The following CCDC88C variants were observed in gnomAD, a reference collection of about 807,000 sequenced individuals.
CCDC88C encodes coiled-coil and HOOK domain protein 88C.
A neutral mutation model predicts 198.8 loss-of-function variants in CCDC88C; 131 were observed. That is an observed-to-expected ratio of 0.66 (90% CI 0.57 to 0.76). The LOEUF (loss-of-function observed/expected upper bound fraction) is 0.76, where lower values mean the gene tolerates loss of function less well. Among genes scored for constraint, CCDC88C ranks in the 30% least tolerant of loss-of-function variants. The pLI is 0.00. For synonymous variants in CCDC88C, 1,166 were observed against 1,114.7 expected (o/e 1.05, Z -0.92); for missense variants, 2,553 against 2,631.6 (o/e 0.97, Z 0.65).
At position 91,321,257 on chromosome 14, in the gene CCDC88C, G is replaced by T. The variant is rs371123543; in HGVS notation, c.1390C>A (p.Arg464Ser). 3 of 1,584,410 alleles carry T rather than the reference G, an allele frequency of 1.9e-6. No homozygotes were observed. The highest frequency in any genetic ancestry group is 2.6e-6 in the Non-Finnish European group (3 of 1,164,554). ...VFELNECASS[R>S]ILKLEKENQS... Reference sequence around the variant, plus strand: ...TTCTCCTTCTCCAGCTTCAGGATGCGGCTGGACGCACATTCGTTCAGCTCA... The same window carrying T: ...TTCTCCTTCTCCAGCTTCAGGATGCTGCTGGACGCACATTCGTTCAGCTCA... The change falls in exon 13 of 30, where the codon CGC becomes AGC. Residue 464 changes from arginine to serine, a missense_variant. Around this residue, in one of 2 missense-constraint regions of CCDC88C, gnomAD observed 1,260 missense variants for 1,412.0 expected, o/e 0.89. Coordinates refer to ENST00000389857, the MANE Select transcript of CCDC88C (RefSeq NM_001080414.4).
intron 3 of CCDC88C, among the ~76,000 whole-genome samples, chr14:91,380,646 T>C (rs1291625563): frequency 6.6e-6 from 1 of 152,192 alleles, no homozygotes; most frequent in Non-Finnish European, 1.5e-5. Context: ...CTAAAGAATA[T>C]TGGCGTTTTC....
chr14:91,281,241 T>G, intron 27 of CCDC88C: 1 of 1,254,354 alleles, frequency 8.0e-7, no homozygotes. Context: ...TCCAGAACTG[T>G]GATGCTTGGG....
At chr14:91,293,545 TTCCTG>T (rs1567055829) in intron 23 of CCDC88C, among the ~76,000 whole-genome samples, 11 of 23,824 alleles carry the variant, frequency 4.6e-4, no homozygotes, top group Admixed American at 7.4e-4. Context: ...ACGGCCCACC[TTCCTG>T]TCCCCTCGCC....
chr14:91,306,482 TTC>T (rs1189970988), intron 18 of CCDC88C, among the ~76,000 whole-genome samples: 2 of 152,258 alleles, frequency 1.3e-5, no homozygotes, highest in East Asian at 1.9e-4. Context: ...GTCTCTGAAA[TTC>T]TGTTTGAGCT....
chr14:91,413,813 G>A (rs1886912246), intron 2 of CCDC88C, among the ~76,000 whole-genome samples: 1 of 152,174 alleles, frequency 6.6e-6, no homozygotes, highest in African/African-American at 2.4e-5. Flanking sequence ...CCAGGTGTTA[G>A]GTAACAGCCT....
At chr14:91,317,436 AG>A (rs1383195468) in intron 13 of CCDC88C, among the ~76,000 whole-genome samples, 1 of 152,196 alleles carries the variant, frequency 6.6e-6, no homozygotes, top group East Asian at 1.9e-4. Flanking sequence ...GAGCTGGCTG[AG>A]GGTTGCCAGG....
chr14:91,307,074 G>A lies in CCDC88C; in HGVS notation c.3159C>T (p.Leu1053=). 6.2e-7 allele frequency: 1 copy of A among 1,613,712 alleles called. No individual in the cohort carries two copies. The highest frequency in any genetic ancestry group is 1.3e-5 in the African/African-American group (1 of 75,040). Residue 1053 remains leucine (L), a synonymous_variant, in exon 18 of 30, where the codon CTC becomes CTT. Transcript: ENST00000389857. The part of the protein sequence containing the change: ...PGHKEATMEL[L]RVKDRAIELE... ...GCTCGATGGCCCGGTCCTTCACTCG[G>A]AGAAGCTCCATGGTGGCTTCCTTAT... is the stretch of plus-strand genomic sequence containing the variant.
intron 2 of CCDC88C, among the ~76,000 whole-genome samples, chr14:91,415,920 G>T (rs562215633): frequency 9.9e-5 from 15 of 152,168 alleles, no homozygotes; most frequent in African/African-American, 3.6e-4. Context: ...GAATAGGTGC[G>T]CACACGAGGC....
At chr14:91,415,696 G>A (rs1160957834) in intron 2 of CCDC88C, among the ~76,000 whole-genome samples, 4 of 151,682 alleles carry the variant, frequency 2.6e-5, no homozygotes. Context: ...CTCCAGCCTG[G>A]GCAACAAGAG....
chr14:91,382,485 A>C (rs78173448), intron 3 of CCDC88C, among the ~76,000 whole-genome samples: 1 of 152,198 alleles, frequency 6.6e-6, no homozygotes, highest in Non-Finnish European at 1.5e-5. Context: ...AAGGTTCTTC[A>C]AAGTCAGGTC....
chr14:91,395,663 A>G (rs543755160), intron 3 of CCDC88C, among the ~76,000 whole-genome samples: 1 of 152,210 alleles, frequency 6.6e-6, no homozygotes, highest in Admixed American at 6.5e-5. Flanking sequence ...CGAGAAGGCA[A>G]ACCTGCCTGC....
intron 3 of CCDC88C, among the ~76,000 whole-genome samples, chr14:91,391,695 C>T (rs747251957): frequency 8.5e-5 from 13 of 152,130 alleles, no homozygotes; most frequent in Non-Finnish European, 1.9e-4. Context: ...AGGAGAATCG[C>T]TTGATCCCAG....
At position 91,325,498 on chromosome 14, in the gene CCDC88C, A is replaced by G. The variant is rs1043111738; in HGVS notation, c.1197+412T>C. On this transcript the variant is annotated intron_variant, in intron 11 of 29. Transcript: ENST00000389857. The surrounding 1 kb of genome is among the most constrained non-coding windows in gnomAD (Gnocchi z 4.1). Reference sequence around the variant, plus strand: ...TAGCAGTGGCAGCAGCAACGGCAGTAGCAGCAACAAACCCAGTAGCTAAAC... The same window carrying G: ...TAGCAGTGGCAGCAGCAACGGCAGTGGCAGCAACAAACCCAGTAGCTAAAC... Among the ~76,000 whole-genome samples the G allele has an allele frequency of 3.3e-5, 5 of 152,234 alleles. No individual in the cohort carries two copies. The highest frequency in any genetic ancestry group is 5.9e-5 in the Non-Finnish European group (4 of 68,036).
rs569086364 is a variant in CCDC88C, at chr14:91,276,452, T to C, written c.5058+1470A>G. Among the ~76,000 whole-genome samples the C allele has an allele frequency of 5.9e-5, 9 of 152,384 alleles. No individual in the cohort carries two copies. In the East Asian group the frequency reaches 1.5e-3, roughly 26 times the overall value. ...GGCCATGTTTTATATTTCTCTCGTGTCAACTGCAAGGCTGGGCACAGCACA... is the reference window on the plus strand; with the variant it reads ...GGCCATGTTTTATATTTCTCTCGTGCCAACTGCAAGGCTGGGCACAGCACA... On this transcript the variant is annotated intron_variant, in intron 29 of 29. Transcript: ENST00000389857.
chr14:91,323,274 G>A (rs1048041175), intron 12 of CCDC88C, among the ~76,000 whole-genome samples: 53 of 152,298 alleles, frequency 3.5e-4, no homozygotes, highest in African/African-American at 1.3e-3. Context: ...GTATGTCTTA[G>A]TAAGACAGAC....
rs1177121500 is a variant in CCDC88C, at chr14:91,401,517, A to T, written c.270+7142T>A. On this transcript the variant is annotated intron_variant, in intron 3 of 29. Transcript: ENST00000389857. ...ACCAGGCTAATTTTTTTGTATTTTT[A>T]GTAGAGACAGGGTTTCACCATGTTA... is the stretch of plus-strand genomic sequence containing the variant. 3.3e-5 allele frequency among the ~76,000 whole-genome samples: 5 copies of T among 151,314 alleles called. 1 individual carries two copies. The highest frequency in any genetic ancestry group is 3.3e-4 in the Admixed American group (5 of 15,138).
chr14:91,405,646 G>A (rs985248765), intron 3 of CCDC88C, among the ~76,000 whole-genome samples: 2 of 152,196 alleles, frequency 1.3e-5, no homozygotes, highest in South Asian at 4.1e-4. Flanking sequence ...TACTACAAAC[G>A]TTAACGGCGA....
chr14:91,327,075 C>T (rs1892611963), intron 10 of CCDC88C, among the ~76,000 whole-genome samples: 1 of 152,230 alleles, frequency 6.6e-6, no homozygotes. Flanking sequence ...CTTCCAAGCA[C>T]CGCTCGGTAT....
Position 91,381,405 on chromosome 14 carries a change from T to C in CCDC88C, c.271-21694A>G, listed in dbSNP as rs1884783580. Among the ~76,000 whole-genome samples, 1 of 152,232 alleles carries C rather than the reference T, an allele frequency of 6.6e-6. No individual in the cohort carries two copies. The highest frequency in any genetic ancestry group is 6.5e-5 in the Admixed American group (1 of 15,288). Reference sequence around the variant, plus strand: ...GATGTGATCTTCTCTATATTCTCTATGCCCACGAAAGTTGCATCCTCTTCC... The same window carrying C: ...GATGTGATCTTCTCTATATTCTCTACGCCCACGAAAGTTGCATCCTCTTCC... On this transcript the variant is annotated intron_variant, in intron 3 of 29. Transcript: ENST00000389857. The surrounding 1 kb of genome is among the most constrained non-coding windows in gnomAD (Gnocchi z 4.2).
Sources: gnomAD v4.1 joint callset for allele counts (sites outside exome capture counted in the v4.1 genomes callset) on GRCh38, gnomAD v4.1.1 for gene constraint, gnomAD v4.1.1 regional missense constraint, Gnocchi (gnomAD v3.1) non-coding constraint, MANE v1.5 for transcripts, NCBI Gene and HGNC (gene_info 2026-07-23, HGNC 2026-07-21) for gene names.